The following SEMA3D variants were observed in gnomAD, a reference collection of about 807,000 sequenced individuals.
SEMA3D encodes semaphorin 3D.
Under a neutral mutation model 100.1 loss-of-function variants are expected in SEMA3D, and 84 were observed. The observed-to-expected ratio is 0.84, with a 90% CI of 0.70 to 1.01. The LOEUF (loss-of-function observed/expected upper bound fraction) is 1.01. Ranked by LOEUF, SEMA3D falls within the 50% of genes least tolerant of loss-of-function variation. SEMA3D has a pLI of 0.00. For synonymous variants in SEMA3D, 312 were observed against 320.7 expected, an observed-to-expected ratio of 0.97 and a Z score of 0.29; for missense variants, 875 against 934.1, an observed-to-expected ratio of 0.94 and a Z score of 0.82.
chr7:85,042,514 T>C (rs1295331040), intron 9 of SEMA3D, among the ~76,000 whole-genome samples: 1 of 152,148 alleles, frequency 6.6e-6, no homozygotes, highest in African/African-American at 2.4e-5. Flanking sequence ...TTCAGCTCTA[T>C]TGGATGAGTA....
intron 12 of SEMA3D, chr7:85,029,105 C>A (rs1332244917): frequency 3.4e-6 from 2 of 588,098 alleles, no homozygotes; most frequent in Non-Finnish European, 6.4e-6. Context: ...CAGACACAGA[C>A]CTTCACTACC....
At chr7:85,195,653 C>T in the SEMA3D span, among the ~76,000 whole-genome samples, 6 of 152,222 alleles carry the variant, frequency 3.9e-5, no homozygotes, top group Non-Finnish European at 7.4e-5. Context: ...TTCAACTCAG[C>T]GCTGATTTTT....
At chr7:85,133,903 T>G (rs572843664) in intron 2 of SEMA3D, among the ~76,000 whole-genome samples, 1 of 152,116 alleles carries the variant, frequency 6.6e-6, no homozygotes, top group South Asian at 2.1e-4. Context: ...ACATGGACTA[T>G]GATAGCAAGT....
intron 9 of SEMA3D, chr7:85,050,208 G>A (rs1378279813): frequency 6.6e-6 from 1 of 151,762 alleles, no homozygotes; most frequent in East Asian, 1.9e-4. Flanking sequence ...AATCTTTTCA[G>A]TGGGTTTATT....
intron 2 of SEMA3D, chr7:85,141,361 T>C (rs1052021506): frequency 1.0e-6 from 1 of 984,396 alleles, no homozygotes; most frequent in Non-Finnish European, 1.2e-6. Context: ...CTGCACAGTA[T>C]GCCCTATTTC....
chr7:85,115,517 C>A (rs1321961234), intron 3 of SEMA3D, among the ~76,000 whole-genome samples: 4 of 152,102 alleles, frequency 2.6e-5, no homozygotes, highest in African/African-American at 9.7e-5. Flanking sequence ...TTAAAGAAAC[C>A]GGAGTTTCCC....
chr7:85,177,379 C>T (rs1170821134), intron 1 of SEMA3D, among the ~76,000 whole-genome samples: 1 of 151,872 alleles, frequency 6.6e-6, no homozygotes, highest in Non-Finnish European at 1.5e-5. Context: ...ATACATATAA[C>T]ATTTGTTGGA....
intron 10 of SEMA3D, 58 bp from the exon 11 acceptor site, chr7:85,040,800 TG>T: frequency 1.3e-6 from 1 of 794,462 alleles, no homozygotes; most frequent in Non-Finnish European, 2.2e-6. Context: ...ATTGCTTTTT[TG>T]TTAATAACAC....
intron 1 of SEMA3D, among the ~76,000 whole-genome samples, chr7:85,165,359 CGA>C (rs1163425192): frequency 1.3e-5 from 2 of 151,282 alleles, no homozygotes; most frequent in Non-Finnish European, 2.9e-5. Context: ...ATCATTTAAA[CGA>C]GAGTTTGTGA....
At chr7:85,126,407 G>A (rs1562828136) in intron 2 of SEMA3D, among the ~76,000 whole-genome samples, 2 of 125,038 alleles carry the variant, frequency 1.6e-5, no homozygotes, top group East Asian at 3.9e-4. Flanking sequence ...TGTGTGTCGT[G>A]TGTGTGTGTG....
chr7:85,005,721 G>C (rs929588262), intron 18 of SEMA3D, among the ~76,000 whole-genome samples: 4 of 151,760 alleles, frequency 2.6e-5, no homozygotes, highest in Non-Finnish European at 4.4e-5. Context: ...AGGATTTTTA[G>C]AATCATCTCT....
chr7:85,015,932 A>G (rs774728762), intron 15 of SEMA3D, among the ~76,000 whole-genome samples: 40 of 151,608 alleles, frequency 2.6e-4, no homozygotes, highest in Non-Finnish European at 5.3e-4. Context: ...ATAAGCCACA[A>G]TCTGTGCCTT....
intron 1 of SEMA3D, chr7:85,159,856 G>C: frequency 1.0e-6 from 1 of 985,034 alleles, no homozygotes; most frequent in Non-Finnish European, 1.2e-6. Flanking sequence ...TAGGATTTCA[G>C]TAACCATTAT....
At chr7:85,162,079 G>T (rs73195903) in intron 1 of SEMA3D, among the ~76,000 whole-genome samples, 1 of 151,376 alleles carries the variant, frequency 6.6e-6, no homozygotes, top group South Asian at 2.1e-4. Context: ...TTTGTAAAAC[G>T]TGTTTTTTTT....
intron 4 of SEMA3D, among the ~76,000 whole-genome samples, chr7:85,096,021 C>T (rs1041223131): frequency 6.6e-6 from 1 of 151,872 alleles, no homozygotes; most frequent in Non-Finnish European, 1.5e-5. Context: ...GAGAACAGAA[C>T]AAGAACAAAT....
rs1486977245 is a variant in SEMA3D at position 85,074,920 on chromosome 7, G to A, written c.376-1839C>T. 6.6e-5 allele frequency among the ~76,000 whole-genome samples: 10 copies of A among 152,128 alleles called. No homozygotes were observed. The South Asian group carries it at 8.3e-4, about 13-fold the overall frequency. ...CAGGCATGAGCCACCATGGCAGGCC[G>A]ATACTAATAGTTTCGAACAAACAAT... On this transcript the variant is annotated intron_variant, in intron 5 of 18. Transcript: ENST00000284136.
chr7:85,039,969 C>CTTTTTTTTTTT (rs776990536), intron 11 of SEMA3D, among the ~76,000 whole-genome samples: 1 of 90,628 alleles, frequency 1.1e-5, no homozygotes, highest in Non-Finnish European at 2.1e-5. Flanking sequence ...TACGCAAACA[C>CTTTTTTTTTTT]TTTTTTTTTT....
chr7:85,123,066 C>A (rs2116408405), intron 2 of SEMA3D, among the ~76,000 whole-genome samples: 1 of 152,222 alleles, frequency 6.6e-6, no homozygotes, highest in East Asian at 1.9e-4. Flanking sequence ...TATCTCACTT[C>A]ACCGATGAAA....
the SEMA3D span, among the ~76,000 whole-genome samples, chr7:85,193,044 A>C: frequency 6.6e-6 from 1 of 152,182 alleles, no homozygotes; most frequent in Non-Finnish European, 1.5e-5. Flanking sequence ...TAAGGAGCTT[A>C]GCGGCCAGCA....
Sources: gnomAD v4.1 joint callset for allele counts (sites outside exome capture counted in the v4.1 genomes callset) on GRCh38, gnomAD v4.1.1 for gene constraint, MANE v1.5 for transcripts, NCBI Gene and HGNC (gene_info 2026-07-23, HGNC 2026-07-21) for gene names.